Variants in DNM1 observed in about 807,000 individuals in gnomAD.
The protein encoded by DNM1 is dynamin-1.
A neutral mutation model predicts 104.6 loss-of-function variants in DNM1; 29 were observed. That is an observed-to-expected ratio of 0.28 (90% CI 0.21 to 0.38). The LOEUF (loss-of-function observed/expected upper bound fraction) is 0.38, where lower values mean the gene tolerates loss of function less well. DNM1 is among the 10% of genes least tolerant of loss of function. The pLI is 1.00. For synonymous variants in DNM1, 445 were observed against 475.8 expected, an observed-to-expected ratio of 0.94 and a Z score of 0.84; for missense variants, 640 against 1,189.4, an observed-to-expected ratio of 0.54 and a Z score of 6.79.
intron 19 of DNM1, 93 bp from the exon 20 acceptor site, chr9:128,250,022 A>G: frequency 3.1e-6 from 5 of 1,590,078 alleles, no homozygotes; most frequent in Non-Finnish European, 4.3e-6. Context: ...CTGAAAAGCC[A>G]CACCAGCTCA....
intron 19 of DNM1, 76 bp from the exon 20 acceptor site, chr9:128,250,039 C>T: frequency 6.2e-7 from 1 of 1,608,772 alleles, no homozygotes; most frequent in Non-Finnish European, 8.5e-7. Flanking sequence ...CTCACAGTCC[C>T]AGCAGGGCCC....
At chr9:128,250,601 A>T in intron 20 of DNM1, 124 bp from the exon 21 acceptor site, 1 of 1,019,630 alleles carries the variant, frequency 9.8e-7, no homozygotes, top group Non-Finnish European at 1.3e-6. Flanking sequence ...CGACCGCCTT[A>T]GGGGTGCGGC....
chr9:128,246,829 C>T (rs771272878), intron 16 of DNM1: 81 of 405,258 alleles, frequency 2.0e-4, no homozygotes, highest in Non-Finnish European at 3.3e-4. Flanking sequence ...TTCCTCCCTT[C>T]CATAGTCACT....
rs1204100803 is a variant in DNM1 at position 128,219,994 on chromosome 9, G to A, written c.596G>A (p.Arg199His). 2.5e-6 allele frequency: 4 copies of A among 1,577,072 alleles called. No individual in the cohort carries two copies. Among genetic ancestry groups the A allele is most frequent in the Non-Finnish European group, 3.4e-6 (4 of 1,160,312 alleles). ...CTCCTGCTGGTGCACCCAGGCCAGC[G>A]CACCATCGGGGTCATCACCAAGCTG... ...VAKEVDPQGQRTIGVITKLDL... is the reference protein window; with the variant it reads ...VAKEVDPQGQHTIGVITKLDL... Residue 199 changes from arginine (R) to histidine (H), a missense_variant, in exon 5 of 22, where the codon CGC (arginine) becomes CAC (histidine). By Grantham distance (29) the Arg-to-His change is conservative. Around this residue, in one of 7 missense-constraint regions of DNM1, gnomAD observed 172 missense variants for 335.3 expected, o/e 0.51. Coordinates refer to ENST00000372923, the MANE Select transcript of DNM1 (RefSeq NM_004408.4).
chr9:128,218,016 G>T lies in DNM1; in HGVS notation c.162-215G>T, dbSNP rs1834716887. Among the ~76,000 whole-genome samples, 1 of 152,202 alleles carries T rather than the reference G, an allele frequency of 6.6e-6. No homozygotes were observed. Among genetic ancestry groups the T allele is most frequent in the Admixed American group, 6.5e-5 (1 of 15,280 alleles). On this transcript the variant is annotated intron_variant, in intron 1 of 21. Transcript: ENST00000372923. The surrounding 1 kb of genome is among the most constrained non-coding windows in gnomAD (Gnocchi z 4.8). ...GATCCAGTCTCTTGGCAGCTCAGAT[G>T]CATAAATTCTGTGACCCAGGCGACT...
chr9:128,214,788 G>A (rs1479727072), intron 1 of DNM1, among the ~76,000 whole-genome samples: 1 of 152,206 alleles, frequency 6.6e-6, no homozygotes. Context: ...GCCAGCAGCC[G>A]CCCCTCCCAC....
intron 1 of DNM1, among the ~76,000 whole-genome samples, chr9:128,214,744 C>T (rs1230754367): frequency 1.3e-5 from 2 of 152,260 alleles, no homozygotes; most frequent in Non-Finnish European, 2.9e-5. Flanking sequence ...TGGGAACCCA[C>T]CATCTGCTCC....
chr9:128,229,470 G>A (rs139048586), intron 10 of DNM1, among the ~76,000 whole-genome samples: 1 of 152,088 alleles, frequency 6.6e-6, no homozygotes, highest in African/African-American at 2.4e-5. Context: ...GATGGCACAC[G>A]CCTGTAGTCC....
At position 128,220,742 on chromosome 9, in the gene DNM1, C is replaced by CACGCGCGTGT. The variant is rs1554773803; in HGVS notation, c.849+401_849+402insACGCGCGTGT. On this transcript the variant is annotated intron_variant, in intron 6 of 21. Transcript: ENST00000372923. This position sits in a 1 kb window ranked among gnomAD's most constrained non-coding sequence, Gnocchi z 5.2. ...CAGAACTGAAGTGCGCGCGCGCGCG[C>CACGCGCGTGT]GTGTGTGTGTGTGTGTGTGTGTGTG... Among the ~76,000 whole-genome samples, 1 of 136,278 alleles carries CACGCGCGTGT rather than the reference C, an allele frequency of 7.3e-6. No homozygotes were observed. Among genetic ancestry groups the CACGCGCGTGT allele is most frequent in the Admixed American group, 7.3e-5 (1 of 13,658 alleles). 89.4% of individuals were successfully genotyped at this position (136,278 alleles called of 152,430 possible). A position where few individuals can be genotyped will look rare whatever the true frequency, so the allele number is the denominator to read the frequency against.
chr9:128,220,332 C>G lies in DNM1; in HGVS notation c.840C>G (p.Val280=). The G allele has an allele frequency of 1.2e-6, 2 of 1,613,908 alleles. No homozygotes were observed. Among genetic ancestry groups the G allele is most frequent in the Non-Finnish European group, 8.5e-7 (1 of 1,180,018 alleles). The stretch of plus-strand genomic sequence containing the variant: ...TGGGCACGCCCTACCTGCAGAAGGT[C>G]CTCAATCAGGTAGGCGACCAAGCCA... ...DRMGTPYLQK[V]LNQQLTNHIR... Residue 280 remains valine (V), a synonymous_variant, in exon 6 of 22, where the codon GTC becomes GTG. Transcript: ENST00000372923. The surrounding 1 kb of genome is among the most constrained non-coding windows in gnomAD (Gnocchi z 5.2).
intron 11 of DNM1, among the ~76,000 whole-genome samples, chr9:128,235,704 C>G (rs1835969541): frequency 3.9e-5 from 6 of 152,026 alleles, no homozygotes; most frequent in Non-Finnish European, 1.5e-5. Flanking sequence ...GGGCCATAGG[C>G]TGGTTCTATG....
In DNM1 at chr9:128,248,412, G is replaced by A. The variant is rs936153783; in HGVS notation, c.1906-171G>A. The A allele has an allele frequency of 4.4e-6, 3 of 675,232 alleles. No homozygotes were observed. Among genetic ancestry groups the A allele is most frequent in the Non-Finnish European group, 7.3e-6 (3 of 411,196 alleles). 41.8% of individuals were successfully genotyped at this position (675,232 alleles called of 1,614,324 possible). ...ACCAAGACAAGGCTGAATCAGGGGA[G>A]TCTAGGGTCCTGAGAGGCACAGGGA... On this transcript the variant is annotated intron_variant, in intron 18 of 21. Transcript: ENST00000372923. This position sits in a 1 kb window ranked among gnomAD's most constrained non-coding sequence, Gnocchi z 5.6.
intron 10 of DNM1, among the ~76,000 whole-genome samples, chr9:128,228,522 T>G (rs1421082633): frequency 6.6e-6 from 1 of 152,228 alleles, no homozygotes; most frequent in Non-Finnish European, 1.5e-5. Flanking sequence ...TTTACCATAA[T>G]CACTGCTTTC....
chr9:128,246,528 CT>C (rs755922064), intron 16 of DNM1, 25 bp downstream of exon 16: 1 of 1,585,306 alleles, frequency 6.3e-7, no homozygotes, highest in Admixed American at 1.7e-5. Context: ...CTGGCTGTGG[CT>C]GCTGCAGCCC....
chr9:128,234,450 C>T (rs1418466378), intron 11 of DNM1, among the ~76,000 whole-genome samples: 3 of 152,180 alleles, frequency 2.0e-5, no homozygotes, highest in African/African-American at 7.2e-5. Context: ...CTGCAACCTC[C>T]GCCTCTTGGG....
chr9:128,214,050 C>T (rs960987731), intron 1 of DNM1, among the ~76,000 whole-genome samples: 3 of 152,058 alleles, frequency 2.0e-5, no homozygotes, highest in African/African-American at 7.2e-5. Context: ...TCAGAGCACG[C>T]CCCTGCCCAC....
At chr9:128,233,124 G>A (rs547655595) in intron 10 of DNM1, among the ~76,000 whole-genome samples, 10 of 152,358 alleles carry the variant, frequency 6.6e-5, no homozygotes, top group Admixed American at 5.2e-4. Context: ...GGCACGATTC[G>A]CAGGCAGAGG....
At position 128,220,290 on chromosome 9, in the gene DNM1, C is replaced by T; in HGVS notation, c.798C>T (p.Arg266=). ...TCTTCCTCTCCCATCCATCTTATCGCCACTTGGCTGACCGTATGGGCACGC... is the reference window on the plus strand; with the variant it reads ...TCTTCCTCTCCCATCCATCTTATCGTCACTTGGCTGACCGTATGGGCACGC... ...RKFFLSHPSY[R]HLADRMGTPY... The change falls in exon 6 of 22, where the codon CGC becomes CGT. Residue 266 remains arginine (R), a synonymous_variant. Transcript: ENST00000372923. This position sits in a 1 kb window ranked among gnomAD's most constrained non-coding sequence, Gnocchi z 5.2. The T allele has an allele frequency of 1.9e-6, 3 of 1,614,240 alleles. No homozygotes were observed. Among genetic ancestry groups the T allele is most frequent in the Non-Finnish European group, 2.5e-6 (3 of 1,180,034 alleles).
Position 128,245,153 on chromosome 9 carries a change from C to CCCTGG in DNM1, c.1672-1238_1672-1234dup, listed in dbSNP as rs1325833310. The CCCTGG allele has an allele frequency of 5.8e-6, 1 of 173,612 alleles. No individual in the cohort carries two copies. Among genetic ancestry groups the CCCTGG allele is most frequent in the Non-Finnish European group, 1.3e-5 (1 of 79,382 alleles). 10.8% of individuals were successfully genotyped at this position (173,612 alleles called of 1,614,324 possible). ...CCTCTCTCGAACGGTTCCAGATGTTCCCTGGCCGTGTGTGCAACTTCCTCC... is the reference window on the plus strand; with the variant it reads ...CCTCTCTCGAACGGTTCCAGATGTTCCCTGGCCTGGCCGTGTGTGCAACTTCCTCC... On this transcript the variant is annotated intron_variant, in intron 15 of 21. Coordinates refer to ENST00000372923, the MANE Select transcript of DNM1 (RefSeq NM_004408.4). This position sits in a 1 kb window ranked among gnomAD's most constrained non-coding sequence, Gnocchi z 5.2.
Sources: gnomAD v4.1 joint callset for allele counts (sites outside exome capture counted in the v4.1 genomes callset) on GRCh38, gnomAD v4.1.1 for gene constraint, gnomAD v4.1.1 regional missense constraint, Gnocchi (gnomAD v3.1) non-coding constraint, MANE v1.5 for transcripts, NCBI Gene and HGNC (gene_info 2026-07-23, HGNC 2026-07-21) for gene names.